Variants in HDX observed in about 807,000 individuals in gnomAD.
The protein encoded by HDX is chromosome X open reading frame 43.
HDX carries 19 observed loss-of-function variants against 45.2 expected under a neutral mutation model. That is an observed-to-expected ratio of 0.42 (90% CI 0.29 to 0.62). HDX has a LOEUF of 0.62. Ranked by LOEUF, HDX falls within the 20% of genes least tolerant of loss-of-function variation. The pLI is 0.20. For missense variants in HDX, 532 were observed against 493.9 expected, an observed-to-expected ratio of 1.08 and a Z score of -0.73; for synonymous variants, 188 against 172.8, an observed-to-expected ratio of 1.09 and a Z score of -0.69.
intron 4 of HDX, among the ~76,000 whole-genome samples, chrX:84,445,654 T>C (rs192526590): frequency 9.2e-6 from 1 of 108,780 alleles, no homozygotes; most frequent in African/African-American, 3.5e-5. Context: ...GAGAACAATG[T>C]GTTCTGGAGC....
At chrX:84,494,985 T>C (rs938160971) in intron 1 of HDX, among the ~76,000 whole-genome samples, 4 of 111,529 alleles carry the variant, frequency 3.6e-5, no homozygotes, top group African/African-American at 1.3e-4. Context: ...ATGTGGCATA[T>C]ATACAAAATG....
At chrX:84,459,446 AAAAAAAAG>A (rs1451368681) in intron 4 of HDX, among the ~76,000 whole-genome samples, 1 of 110,696 alleles carries the variant, frequency 9.0e-6, no homozygotes, top group Non-Finnish European at 1.9e-5. Context: ...GATCTCAAAA[AAAAAAAAG>A]AAAAAAAGAA....
At chrX:84,341,161 C>T (rs2037076529) in intron 7 of HDX, among the ~76,000 whole-genome samples, 1 of 110,775 alleles carries the variant, frequency 9.0e-6, no homozygotes, top group Non-Finnish European at 1.9e-5. Context: ...ATCCCTACTT[C>T]CCCACTCTCC....
At chrX:84,346,930 G>T (rs1602283693) in intron 6 of HDX, among the ~76,000 whole-genome samples, 1 of 110,796 alleles carries the variant, frequency 9.0e-6, no homozygotes, top group Non-Finnish European at 1.9e-5. Context: ...CAATTGGAAA[G>T]AACTGAAATC....
chrX:84,330,224 A>AC (rs1315901153), intron 9 of HDX, among the ~76,000 whole-genome samples: 1 of 111,653 alleles, frequency 9.0e-6, no homozygotes, highest in Non-Finnish European at 1.9e-5. Flanking sequence ...TTCTAAAAAA[A>AC]TAATCAGCCA....
Position 84,318,032 on chromosome X carries a change from A to C in HDX, c.*3857T>G, listed in dbSNP as rs2036533013. 1 of 111,274 alleles carries C rather than the reference A, an allele frequency of 9.0e-6. No individual in the cohort carries two copies. The highest frequency in any genetic ancestry group is 3.3e-5 in the African/African-American group (1 of 30,748). The allele number at this position is 111,274 out of a possible 1,213,427, so 9.2% of individuals were successfully genotyped here. On this transcript the variant is annotated 3_prime_UTR_variant, in exon 11 of 11. Transcript: ENST00000373177. ...GATTGCTAAAATGAATTACTTAACA[A>C]GTTAATGCAAAATAAAATTTCAGTG...
At chrX:84,400,880 G>T (rs1420944215) in intron 5 of HDX, among the ~76,000 whole-genome samples, 1 of 110,907 alleles carries the variant, frequency 9.0e-6, no homozygotes, top group Non-Finnish European at 1.9e-5. Context: ...ACAGAACAGA[G>T]ACCTCAAAAA....
At chrX:84,329,331 T>G (rs2036793210) in intron 9 of HDX, among the ~76,000 whole-genome samples, 1 of 111,690 alleles carries the variant, frequency 9.0e-6, no homozygotes, top group African/African-American at 3.3e-5. Flanking sequence ...TCTTACAATT[T>G]TATTTTTGGT....
chrX:84,375,638 A>T (rs370883426), intron 5 of HDX, among the ~76,000 whole-genome samples: 2 of 110,240 alleles, frequency 1.8e-5, no homozygotes, highest in East Asian at 2.9e-4. Context: ...GCAAACTATC[A>T]CAAGGACAAA....
intron 5 of HDX, among the ~76,000 whole-genome samples, chrX:84,408,508 T>TTG (rs1556007572): frequency 7.0e-5 from 7 of 99,986 alleles, no homozygotes; most frequent in African/African-American, 1.4e-4. Context: ...TGTTTTTTTT[T>TTG]TTTTTTTTTT....
chrX:84,440,605 AATCTCAGTAAGCTAT>A lies in HDX; in HGVS notation c.1252-35_1252-21del, dbSNP rs1284397432. Reference sequence around the variant, plus strand: ...TGAAATCTGTGAAAACAATAAATGGAATCTCAGTAAGCTATTTATTGACAGTACTTGGAATGTTGA... The same window carrying A: ...TGAAATCTGTGAAAACAATAAATGGATTATTGACAGTACTTGGAATGTTGA... On this transcript the variant is annotated intron_variant, in intron 4 of 10. Transcript: ENST00000373177. 9.3e-7 allele frequency: 1 copy of A among 1,069,786 alleles called. No individual in the cohort carries two copies. Among genetic ancestry groups the A allele is most frequent in the South Asian group, 1.9e-5 (1 of 52,505 alleles). 88.2% of individuals were successfully genotyped at this position (1,069,786 alleles called of 1,213,427 possible).
chrX:84,361,383 T>C, intron 6 of HDX, 83 bp downstream of exon 6: 2 of 854,809 alleles, frequency 2.3e-6, no homozygotes, highest in African/African-American at 2.0e-5. Flanking sequence ...CTAGCATTGC[T>C]TGGAGCACCT....
chrX:84,354,910 T>C (rs2037438611), intron 6 of HDX, among the ~76,000 whole-genome samples: 1 of 62,453 alleles, frequency 1.6e-5, no homozygotes, highest in Non-Finnish European at 3.2e-5. Flanking sequence ...AAGAGACATA[T>C]ATATATATAC....
At chrX:84,399,249 C>G (rs2038639833) in intron 5 of HDX, among the ~76,000 whole-genome samples, 1 of 96,968 alleles carries the variant, frequency 1.0e-5, no homozygotes. Flanking sequence ...GAGACACAAA[C>G]CCCCCCCCAA....
chrX:84,459,557 G>A (rs2040192695), intron 4 of HDX, among the ~76,000 whole-genome samples: 1 of 111,006 alleles, frequency 9.0e-6, no homozygotes, highest in Admixed American at 9.5e-5. Context: ...AGTATTAAGA[G>A]GAAAGTTTAA....
intron 6 of HDX, among the ~76,000 whole-genome samples, chrX:84,353,237 A>G (rs2037400440): frequency 8.9e-6 from 1 of 111,787 alleles, no homozygotes; most frequent in African/African-American, 3.3e-5. Flanking sequence ...AGAATCATGG[A>G]TAACTGAGTT....
chrX:84,458,710 T>C (rs5968332), intron 4 of HDX, among the ~76,000 whole-genome samples: 1 of 110,121 alleles, frequency 9.1e-6, no homozygotes, highest in Non-Finnish European at 1.9e-5. Flanking sequence ...ATGCTTATCA[T>C]GTACCCACAC....
chrX:84,414,791 G>T (rs1411392355), intron 5 of HDX, among the ~76,000 whole-genome samples: 1 of 111,856 alleles, frequency 8.9e-6, no homozygotes, highest in African/African-American at 3.3e-5. Context: ...TTTGTCATCT[G>T]TAAAGGTGAG....
intron 4 of HDX, among the ~76,000 whole-genome samples, chrX:84,463,304 G>T (rs913822849): frequency 2.4e-4 from 27 of 110,712 alleles, no homozygotes; most frequent in Non-Finnish European, 3.8e-4. Flanking sequence ...AATCTTACTG[G>T]CTCTCATTTT....
Sources: allele counts gnomAD v4.1 joint callset (sites outside exome capture counted in the v4.1 genomes callset), GRCh38; gene constraint gnomAD v4.1.1; transcripts MANE v1.5; gene names NCBI Gene and HGNC (gene_info 2026-07-23, HGNC 2026-07-21).